The following ACAD11 variants were observed in gnomAD, a reference collection of about 807,000 sequenced individuals.
ACAD11 encodes acyl-Coenzyme A dehydrogenase family, member 11.
In ACAD11, 83 loss-of-function variants were observed where a neutral mutation model predicts 102.2. That is an observed-to-expected ratio of 0.81 (90% CI 0.68 to 0.97). The LOEUF is 0.97. Ranked by LOEUF, ACAD11 falls within the 50% of genes least tolerant of loss-of-function variation. The pLI is 0.00. For synonymous variants in ACAD11, 324 were observed against 319.8 expected, an observed-to-expected ratio of 1.01 and a Z score of -0.14; for missense variants, 901 against 951.7, an observed-to-expected ratio of 0.95 and a Z score of 0.70.
chr3:132,581,165 G>A (rs923787049), intron 13 of ACAD11, among the ~76,000 whole-genome samples: 2 of 151,892 alleles, frequency 1.3e-5, no homozygotes, highest in African/African-American at 4.8e-5. Flanking sequence ...CAACTAAAAG[G>A]ACCGAGGATT....
chr3:132,562,010 C>T (rs970763101), intron 17 of ACAD11, among the ~76,000 whole-genome samples: 1 of 152,184 alleles, frequency 6.6e-6, no homozygotes, highest in African/African-American at 2.4e-5. Flanking sequence ...CTGTTCATTC[C>T]TTTTTATTGC....
At position 132,628,357 on chromosome 3, in the gene ACAD11, T is replaced by C. The variant is rs769687369; in HGVS notation, c.1053A>G (p.Gly351=). The change falls in exon 8 of 20, where the codon GGA becomes GGG. Residue 351 remains glycine (G), a synonymous_variant. Coordinates refer to ENST00000264990, the MANE Select transcript of ACAD11 (RefSeq NM_032169.5). Reference sequence around the variant, plus strand: ...TTCCTTACCGTTTGGAGAGTTGTAGTCCAGTTTCTGCCAGAGGTTGCACAA... The same window carrying C: ...TTCCTTACCGTTTGGAGAGTTGTAGCCCAGTTTCTGCCAGAGGTTGCACAA... ...ANIVQPLAET[G]LQLSKRTFST... is the part of the protein sequence containing the mutation. 2 of 1,612,680 alleles carry C rather than the reference T, an allele frequency of 1.2e-6. No homozygotes were observed. Among genetic ancestry groups the C allele is most frequent in the South Asian group, 2.2e-5 (2 of 90,806 alleles).
intron 17 of ACAD11, among the ~76,000 whole-genome samples, chr3:132,567,717 A>G (rs1431060380): frequency 6.6e-6 from 1 of 152,194 alleles, no homozygotes; most frequent in Non-Finnish European, 1.5e-5. Flanking sequence ...ATAATGATAT[A>G]GGGCCAGGTA....
intron 5 of ACAD11, 73 bp downstream of exon 5, chr3:132,639,419 G>A: frequency 1.4e-6 from 2 of 1,425,008 alleles, no homozygotes; most frequent in East Asian, 4.8e-5. Context: ...TCAGTGCTCT[G>A]GGGGGAGCAT....
intron 1 of ACAD11, among the ~76,000 whole-genome samples, chr3:132,652,678 T>C (rs1303579029): frequency 6.6e-6 from 1 of 152,154 alleles, no homozygotes; most frequent in East Asian, 1.9e-4. Context: ...AAAAATTATA[T>C]ACAAGTGACT....
intron 11 of ACAD11, among the ~76,000 whole-genome samples, chr3:132,617,392 A>G (rs1576594171): frequency 6.6e-6 from 1 of 152,156 alleles, no homozygotes; most frequent in Non-Finnish European, 1.5e-5. Flanking sequence ...CTTTTTAAAA[A>G]ATTGGCCTCC....
At position 132,608,495 on chromosome 3, in the gene ACAD11, G is replaced by T. The variant is rs1345872305; in HGVS notation, c.1415-3290C>A. On this transcript the variant is annotated intron_variant, in intron 11 of 19. Coordinates refer to ENST00000264990, the MANE Select transcript of ACAD11 (RefSeq NM_032169.5). ...CAAAAAAGCAGGGGTTGCAATCCTA[G>T]TTTCTAATAAAACAGACTTTAAACC... 3.6e-4 allele frequency among the ~76,000 whole-genome samples: 55 copies of T among 152,122 alleles called. 2 individuals are homozygous for T. The highest frequency in any genetic ancestry group is 3.6e-3 in the Admixed American group (55 of 15,270).
chr3:132,593,031 T>A (rs895685517), intron 13 of ACAD11, among the ~76,000 whole-genome samples: 3 of 151,320 alleles, frequency 2.0e-5, no homozygotes, highest in African/African-American at 7.3e-5. Context: ...AGAGCAGAGT[T>A]GAAAATTAAA....
chr3:132,567,746 G>A (rs1309415231), intron 17 of ACAD11, among the ~76,000 whole-genome samples: 1 of 152,046 alleles, frequency 6.6e-6, no homozygotes, highest in Non-Finnish European at 1.5e-5. Flanking sequence ...TCCACAACAG[G>A]ACATCTACAA....
intron 13 of ACAD11, among the ~76,000 whole-genome samples, chr3:132,598,148 T>C (rs1489562882): frequency 1.3e-5 from 2 of 152,140 alleles, no homozygotes; most frequent in East Asian, 3.8e-4. Flanking sequence ...ATATTTGAGA[T>C]ACTTCAGAGG....
chr3:132,642,248 G>A, intron 3 of ACAD11, 115 bp from the exon 4 acceptor site: 7 of 992,692 alleles, frequency 7.1e-6, no homozygotes, highest in Admixed American at 5.5e-5. Context: ...ACATGCCAAA[G>A]GGAAAATAAA....
chr3:132,587,202 T>G (rs1937879144), intron 13 of ACAD11, among the ~76,000 whole-genome samples: 1 of 152,222 alleles, frequency 6.6e-6, no homozygotes, highest in African/African-American at 2.4e-5. Context: ...TCAAAAATAA[T>G]TAGCAGTTTT....
intron 11 of ACAD11, among the ~76,000 whole-genome samples, chr3:132,606,587 C>T (rs1167188755): frequency 6.6e-6 from 1 of 152,204 alleles, no homozygotes; most frequent in Admixed American, 6.5e-5. Flanking sequence ...TAGATTCCTC[C>T]TCTCTGGGCA....
chr3:132,616,963 T>C (rs1939431663), intron 11 of ACAD11, among the ~76,000 whole-genome samples: 1 of 152,212 alleles, frequency 6.6e-6, no homozygotes, highest in Admixed American at 6.5e-5. Flanking sequence ...TGAGACAAAG[T>C]CCAGTGTGGA....
intron 13 of ACAD11, among the ~76,000 whole-genome samples, chr3:132,583,335 C>T (rs1375321593): frequency 6.6e-6 from 1 of 152,186 alleles, no homozygotes; most frequent in Non-Finnish European, 1.5e-5. Context: ...AGTTTATTTG[C>T]ATAGAGGTGT....
intron 15 of ACAD11, among the ~76,000 whole-genome samples, chr3:132,577,910 A>G (rs891051780): frequency 6.6e-6 from 1 of 152,080 alleles, no homozygotes; most frequent in African/African-American, 2.4e-5. Context: ...CCTACATGCA[A>G]TTTTCTCCAG....
intron 13 of ACAD11, among the ~76,000 whole-genome samples, chr3:132,588,059 G>A (rs575675635): frequency 6.6e-6 from 1 of 152,212 alleles, no homozygotes; most frequent in Non-Finnish European, 1.5e-5. Context: ...TAGCTTTCCT[G>A]TTCCACACTG....
At chr3:132,618,425 C>T (rs1939492545) in intron 11 of ACAD11, 1 of 509,328 alleles carries the variant, frequency 2.0e-6, no homozygotes, top group South Asian at 4.5e-5. Flanking sequence ...CACCAATACT[C>T]TTAATTGTAA....
At chr3:132,658,458 C>T (rs1244623928) in intron 1 of ACAD11, among the ~76,000 whole-genome samples, 1 of 152,194 alleles carries the variant, frequency 6.6e-6, no homozygotes, top group Non-Finnish European at 1.5e-5. Flanking sequence ...ACCTCTTCAA[C>T]ACTCCTACAA....
Sources: allele counts gnomAD v4.1 joint callset (sites outside exome capture counted in the v4.1 genomes callset), GRCh38; gene constraint gnomAD v4.1.1; transcripts MANE v1.5; gene names NCBI Gene and HGNC (gene_info 2026-07-23, HGNC 2026-07-21).